Variants in ADGRB3 observed in about 807,000 individuals in gnomAD.
The protein encoded by ADGRB3 is brain-specific angiogenesis inhibitor 3.
Under a neutral mutation model 193.4 loss-of-function variants are expected in ADGRB3, and 37 were observed. That is an observed-to-expected ratio of 0.19 (90% CI 0.15 to 0.25). The LOEUF (loss-of-function observed/expected upper bound fraction) is 0.25. Among genes scored for constraint, ADGRB3 ranks in the 10% least tolerant of loss-of-function variants. ADGRB3 has a pLI of 1.00. For synonymous variants in ADGRB3, 690 were observed against 644.2 expected (o/e 1.07, Z -1.08); for missense variants, 1,637 against 1,852.9 (o/e 0.88, Z 2.14).
At chr6:69,192,760 A>G (rs1167262179) in intron 17 of ADGRB3, among the ~76,000 whole-genome samples, 1 of 152,148 alleles carries the variant, frequency 6.6e-6, no homozygotes, top group Non-Finnish European at 1.5e-5. Context: ...GTTTTTATTC[A>G]TTAAACATAT....
intron 17 of ADGRB3, among the ~76,000 whole-genome samples, chr6:69,140,644 A>C (rs1774308065): frequency 6.6e-6 from 1 of 152,214 alleles, no homozygotes; most frequent in South Asian, 2.1e-4. Flanking sequence ...AAAAATAACT[A>C]AAAATATAGT....
intron 3 of ADGRB3, among the ~76,000 whole-genome samples, chr6:68,806,512 A>G (rs926755920): frequency 5.9e-5 from 9 of 152,094 alleles, no homozygotes; most frequent in African/African-American, 2.2e-4. Flanking sequence ...AAGCAATTGA[A>G]TTAAAAAGAA....
intron 3 of ADGRB3, among the ~76,000 whole-genome samples, chr6:68,679,897 C>T (rs1361113274): frequency 6.6e-6 from 1 of 152,062 alleles, no homozygotes; most frequent in East Asian, 1.9e-4. Context: ...TTGCTATGGT[C>T]TGAATATAAC....
chr6:68,661,075 A>G (rs919847116), intron 3 of ADGRB3, among the ~76,000 whole-genome samples: 7 of 150,398 alleles, frequency 4.7e-5, no homozygotes, highest in African/African-American at 7.3e-5. Context: ...ATACAAAAAA[A>G]TGTTTTTTGG....
intron 21 of ADGRB3, among the ~76,000 whole-genome samples, chr6:69,326,437 T>C (rs1029389552): frequency 6.6e-6 from 1 of 152,154 alleles, no homozygotes. Flanking sequence ...CAAAACATGG[T>C]GATTTTCAAG....
At chr6:68,997,041 G>T (rs1414885552) in intron 11 of ADGRB3, among the ~76,000 whole-genome samples, 1 of 152,112 alleles carries the variant, frequency 6.6e-6, no homozygotes, top group African/African-American at 2.4e-5. Flanking sequence ...GTAGTTATGT[G>T]CAAGGTATTT....
chr6:68,909,072 A>G (rs1462566732), intron 3 of ADGRB3, among the ~76,000 whole-genome samples: 3 of 152,198 alleles, frequency 2.0e-5, no homozygotes, highest in Non-Finnish European at 4.4e-5. Context: ...ATTTTAATTA[A>G]GTAAAATTTC....
chr6:68,778,742 T>C (rs1766796957), intron 3 of ADGRB3, among the ~76,000 whole-genome samples: 1 of 152,076 alleles, frequency 6.6e-6, no homozygotes, highest in Non-Finnish European at 1.5e-5. Flanking sequence ...ACTATATACT[T>C]ATATATCCAA....
intron 3 of ADGRB3, among the ~76,000 whole-genome samples, chr6:68,777,597 C>T (rs879621080): frequency 6.6e-5 from 9 of 136,680 alleles, no homozygotes; most frequent in African/African-American, 1.1e-4. Context: ...ATATGCCCTT[C>T]TTTAGTACTA....
intron 17 of ADGRB3, among the ~76,000 whole-genome samples, chr6:69,210,394 G>T (rs1478239162): frequency 1.3e-5 from 2 of 151,642 alleles, no homozygotes; most frequent in Non-Finnish European, 2.9e-5. Context: ...AGCTGTCATG[G>T]CAACTGATTA....
Position 68,913,741 on chromosome 6 carries a change from C to T in ADGRB3, c.758-16818C>T, listed in dbSNP as rs539996992. Among the ~76,000 whole-genome samples the T allele has an allele frequency of 2.0e-5, 3 of 152,240 alleles. No homozygotes were observed. In the South Asian group the frequency reaches 6.2e-4, roughly 32 times the overall value. ...AAGAAGGCTTCAGACGATCAAACTACTCCGAACTACAGGAGGAAATTCAAA... is the reference window on the plus strand; with the variant it reads ...AAGAAGGCTTCAGACGATCAAACTATTCCGAACTACAGGAGGAAATTCAAA... On this transcript the variant is annotated intron_variant, in intron 3 of 31. Transcript: ENST00000370598.
Position 69,307,120 on chromosome 6 carries a change from A to T in ADGRB3, c.2815-17752A>T, listed in dbSNP as rs558350169. Among the ~76,000 whole-genome samples the T allele has an allele frequency of 2.4e-4, 37 of 151,242 alleles. 1 individual carries two copies. Among genetic ancestry groups the T allele is most frequent in the African/African-American group, 8.8e-4 (36 of 41,028 alleles). On this transcript the variant is annotated intron_variant, in intron 20 of 31. Coordinates refer to ENST00000370598, the MANE Select transcript of ADGRB3 (RefSeq NM_001704.3). ...TTCTTGCTTTCTCAATTATGCTTATATTCTAGTTTCAAACTAGAGTAAGAA... is the reference window on the plus strand; with the variant it reads ...TTCTTGCTTTCTCAATTATGCTTATTTTCTAGTTTCAAACTAGAGTAAGAA...
chr6:69,125,408 G>A (rs1773826057), intron 17 of ADGRB3, among the ~76,000 whole-genome samples: 1 of 152,264 alleles, frequency 6.6e-6, no homozygotes, highest in African/African-American at 2.4e-5. Context: ...CAAGCTGAGA[G>A]TATGAGGAGG....
chr6:69,235,223 T>C, intron 19 of ADGRB3, 88 bp downstream of exon 19: 1 of 1,020,904 alleles, frequency 9.8e-7, no homozygotes, highest in Non-Finnish European at 1.5e-6. Context: ...ATGTCTCCTG[T>C]CTTCTTAATT....
chr6:69,004,879 G>A (rs988777294), intron 11 of ADGRB3, among the ~76,000 whole-genome samples: 1 of 152,014 alleles, frequency 6.6e-6, no homozygotes, highest in Non-Finnish European at 1.5e-5. Context: ...TTATTGAAGG[G>A]GTCTGTGTCA....
intron 13 of ADGRB3, among the ~76,000 whole-genome samples, chr6:69,043,348 TTAAG>T (rs1771144930): frequency 1.5e-5 from 1 of 65,812 alleles, no homozygotes; most frequent in Non-Finnish European, 3.5e-5. Context: ...GAAAAGAAGA[TTAAG>T]TAAAAAGGAA....
At chr6:68,929,793 A>G (rs185643245) in intron 3 of ADGRB3, among the ~76,000 whole-genome samples, 23 of 152,198 alleles carry the variant, frequency 1.5e-4, no homozygotes, top group Non-Finnish European at 2.5e-4. Flanking sequence ...TTACTCAACT[A>G]ATTTTTTTCT....
At chr6:69,102,965 A>G (rs1387640551) in intron 17 of ADGRB3, among the ~76,000 whole-genome samples, 1 of 152,222 alleles carries the variant, frequency 6.6e-6, no homozygotes, top group East Asian at 1.9e-4. Context: ...TCATTCTTTT[A>G]CTGCTCCGTT....
intron 20 of ADGRB3, among the ~76,000 whole-genome samples, chr6:69,290,214 C>G (rs925978655): frequency 6.6e-6 from 1 of 151,920 alleles, no homozygotes; most frequent in African/African-American, 2.4e-5. Context: ...AGACAGTAAC[C>G]GGCCATTGAA....
Sources: gnomAD v4.1 joint callset for allele counts (sites outside exome capture counted in the v4.1 genomes callset) on GRCh38, gnomAD v4.1.1 for gene constraint, MANE v1.5 for transcripts, NCBI Gene and HGNC (gene_info 2026-07-23, HGNC 2026-07-21) for gene names.